Variants in GRAMD1B observed in about 807,000 individuals in gnomAD.
GRAMD1B encodes the protein GRAM domain containing 1B, also known as protein Aster-B.
Under a neutral mutation model 99.7 loss-of-function variants are expected in GRAMD1B, and 37 were observed. That is an observed-to-expected ratio of 0.37 (90% CI 0.29 to 0.49). The LOEUF is 0.49. GRAMD1B is among the 20% of genes least tolerant of loss of function. The pLI is 0.98. For synonymous variants in GRAMD1B, 427 were observed against 387.6 expected (o/e 1.10, Z -1.19); for missense variants, 888 against 1,009.2 (o/e 0.88, Z 1.63).
chr11:123,599,245 C>T, intron 7 of GRAMD1B: 1 of 751,020 alleles, frequency 1.3e-6, no homozygotes, highest in Non-Finnish European at 2.5e-6. Context: ...CCGAGCTCCT[C>T]CTTTCGTAAT....
At chr11:123,479,611 T>G (rs776466377) in intron 1 of GRAMD1B, among the ~76,000 whole-genome samples, 34 of 152,166 alleles carry the variant, frequency 2.2e-4, no homozygotes, top group Non-Finnish European at 4.0e-4. Context: ...TTATTATTAA[T>G]AGAACCTATG....
intron 7 of GRAMD1B, chr11:123,598,571 C>A: frequency 1.9e-6 from 3 of 1,553,810 alleles, no homozygotes; most frequent in South Asian, 2.2e-5. Flanking sequence ...TATCAAGTGA[C>A]TCTAGGGACT....
chr11:123,573,158 T>C (rs1948345874), intron 2 of GRAMD1B, among the ~76,000 whole-genome samples: 1 of 152,212 alleles, frequency 6.6e-6, no homozygotes, highest in Admixed American at 6.5e-5. Flanking sequence ...TAGGCCCTGA[T>C]GGCTGGGGCA....
chr11:123,608,489 A>G (rs1953045338), intron 11 of GRAMD1B, 170 bp from the exon 12 acceptor site: 2 of 1,525,258 alleles, frequency 1.3e-6, no homozygotes, highest in Non-Finnish European at 1.8e-6. Context: ...GACCGAAAGC[A>G]AAGTCATAAA....
intron 2 of GRAMD1B, among the ~76,000 whole-genome samples, chr11:123,570,036 T>C (rs963112846): frequency 6.6e-6 from 1 of 152,254 alleles, no homozygotes; most frequent in Non-Finnish European, 1.5e-5. Context: ...TCCACCTACC[T>C]GGTGGACACT....
chr11:123,622,614 G>C lies in GRAMD1B; in HGVS notation c.*19G>C. 8.0e-7 allele frequency: 1 copy of C among 1,249,476 alleles called. No individual in the cohort carries two copies. The highest frequency in any genetic ancestry group is 1.1e-6 in the Non-Finnish European group (1 of 874,180). The allele number at this position is 1,249,476 out of a possible 1,614,324, so 77.4% of individuals were successfully genotyped here. ...TCATTGACAAGGCAGGAACAGGGTG[G>C]CTGCAAGAGGCCTGTGCAATACATG... On this transcript the variant is annotated 3_prime_UTR_variant, in exon 20 of 20. Transcript: ENST00000635736.
At chr11:123,470,909 C>G (rs7128579) in intron 1 of GRAMD1B, among the ~76,000 whole-genome samples, 8,029 of 152,138 alleles carry the variant, frequency 0.053, 711 homozygotes, top group African/African-American at 0.18. Flanking sequence ...TGAAAATGCT[C>G]TCTATCTGTA....
At chr11:123,531,882 T>G (rs1591844573) in intron 2 of GRAMD1B, among the ~76,000 whole-genome samples, 2 of 151,980 alleles carry the variant, frequency 1.3e-5, no homozygotes, top group Admixed American at 1.3e-4. Flanking sequence ...ATTACAGGCA[T>G]GCACCACCAC....
At chr11:123,391,113 T>C (rs1947262167) in intron 1 of GRAMD1B, among the ~76,000 whole-genome samples, 1 of 152,218 alleles carries the variant, frequency 6.6e-6, no homozygotes, top group African/African-American at 2.4e-5. Context: ...CCAGCTCTGC[T>C]CTTTTTTCAC....
chr11:123,361,438 G>A (rs552099423), intron 1 of GRAMD1B, among the ~76,000 whole-genome samples: 2 of 152,290 alleles, frequency 1.3e-5, no homozygotes, highest in African/African-American at 4.8e-5. Context: ...CCCTGCAGAA[G>A]AGGTCACTTT....
chr11:123,437,831 C>G (rs561347802), intron 1 of GRAMD1B, among the ~76,000 whole-genome samples: 4 of 152,310 alleles, frequency 2.6e-5, no homozygotes, highest in African/African-American at 9.6e-5. Flanking sequence ...AGACTTGTTT[C>G]GGGTTTCAGC....
At chr11:123,498,533 G>A (rs908602127) in intron 2 of GRAMD1B, among the ~76,000 whole-genome samples, 1 of 152,170 alleles carries the variant, frequency 6.6e-6, no homozygotes, top group East Asian at 1.9e-4. Flanking sequence ...ATTGTTTCTT[G>A]CAATGGCCCT....
At chr11:123,541,379 C>T (rs1015174682) in intron 2 of GRAMD1B, among the ~76,000 whole-genome samples, 6 of 152,296 alleles carry the variant, frequency 3.9e-5, no homozygotes, top group South Asian at 2.1e-4. Flanking sequence ...GCTTCCTCCC[C>T]GTGTCCTTCC....
intron 1 of GRAMD1B, among the ~76,000 whole-genome samples, chr11:123,440,625 G>T (rs1166644812): frequency 6.6e-6 from 1 of 152,222 alleles, no homozygotes; most frequent in African/African-American, 2.4e-5. Context: ...TTATTAGAGG[G>T]TATATTGATC....
At chr11:123,422,750 G>A (rs1421788663) in intron 1 of GRAMD1B, among the ~76,000 whole-genome samples, 3 of 152,148 alleles carry the variant, frequency 2.0e-5, no homozygotes, top group African/African-American at 7.2e-5. Context: ...GTCTTCTGCT[G>A]GAAATATGAC....
rs1050893179 is a variant in GRAMD1B at position 123,431,235 on chromosome 11, G to C, written c.374+69G>C. On this transcript the variant is annotated intron_variant, in intron 1 of 19. Transcript: ENST00000635736. Reference sequence around the variant, plus strand: ...TCTCCAGAGCCGTCCAGGGCCCCGGGGCATTCTGGGGGAAACGTCCTGGGG... The same window carrying C: ...TCTCCAGAGCCGTCCAGGGCCCCGGCGCATTCTGGGGGAAACGTCCTGGGG... 11 of 617,956 alleles carry C rather than the reference G, an allele frequency of 1.8e-5. 1 individual carries two copies. The Admixed American group carries it at 2.7e-4, about 15-fold the overall frequency. The allele number at this position is 617,956 out of a possible 1,614,324, so 38.3% of individuals were successfully genotyped here.
intron 1 of GRAMD1B, among the ~76,000 whole-genome samples, chr11:123,382,127 G>T (rs1378207704): frequency 6.6e-6 from 1 of 152,278 alleles, no homozygotes; most frequent in Non-Finnish European, 1.5e-5. Flanking sequence ...TCTGGGGATT[G>T]GGGGGAAGGG....
At position 123,606,689 on chromosome 11, in the gene GRAMD1B, G is replaced by T. The variant is rs1322519595; in HGVS notation, c.1404G>T (p.Met468Ile). 6.2e-7 allele frequency: 1 copy of T among 1,613,448 alleles called. No individual in the cohort carries two copies. The highest frequency in any genetic ancestry group is 1.1e-5 in the South Asian group (1 of 90,878). ...LEKELAIDNI[M>I]GEKIEMIAPV... is the part of the protein sequence containing the mutation. The stretch of plus-strand genomic sequence containing the variant: ...AGGAGCTCGCCATTGACAACATCAT[G>T]GGGGAGAAGATTGAGATGATCGCTC... The change falls in exon 11 of 20, where the codon ATG becomes ATT. Residue 468 changes from methionine (M) to isoleucine (I), a missense_variant. Physicochemically the swap from Met to Ile is conservative, Grantham distance 10. Around this residue, in one of 5 missense-constraint regions of GRAMD1B, gnomAD observed 269 missense variants for 296.6 expected, o/e 0.91. Coordinates refer to ENST00000635736, the MANE Select transcript of GRAMD1B (RefSeq NM_001387025.1).
Position 123,622,630 on chromosome 11 carries a change from G to A in GRAMD1B, c.*35G>A. 1.2e-6 allele frequency: 1 copy of A among 855,072 alleles called. No homozygotes were observed. Among genetic ancestry groups the A allele is most frequent in the Non-Finnish European group, 1.9e-6 (1 of 516,150 alleles). 53.0% of individuals were successfully genotyped at this position (855,072 alleles called of 1,614,324 possible). A position where few individuals can be genotyped will look rare whatever the true frequency, so the allele number is the denominator to read the frequency against. On this transcript the variant is annotated 3_prime_UTR_variant, in exon 20 of 20. Coordinates refer to ENST00000635736, the MANE Select transcript of GRAMD1B (RefSeq NM_001387025.1). ...AACAGGGTGGCTGCAAGAGGCCTGT[G>A]CAATACATGTACATAGACCATATAA...
Sources: gnomAD v4.1 joint callset for allele counts (sites outside exome capture counted in the v4.1 genomes callset) on GRCh38, gnomAD v4.1.1 for gene constraint, gnomAD v4.1.1 regional missense constraint, MANE v1.5 for transcripts, NCBI Gene and HGNC (gene_info 2026-07-23, HGNC 2026-07-21) for gene names.